The following YTHDC2 variants were observed in gnomAD, a reference collection of about 807,000 sequenced individuals.
The protein encoded by YTHDC2 is 3'-5' RNA helicase YTHDC2.
Under a neutral mutation model 174.9 loss-of-function variants are expected in YTHDC2, and 45 were observed. The observed-to-expected ratio is 0.26, with a 90% CI of 0.20 to 0.33. The LOEUF is 0.33. Ranked by LOEUF, YTHDC2 falls within the 10% of genes least tolerant of loss-of-function variation. YTHDC2 has a pLI of 1.00. For synonymous variants in YTHDC2, 657 were observed against 574.5 expected, an observed-to-expected ratio of 1.14 and a Z score of -2.05; for missense variants, 1,650 against 1,723.7, an observed-to-expected ratio of 0.96 and a Z score of 0.76.
intron 4 of YTHDC2, among the ~76,000 whole-genome samples, chr5:113,528,539 T>C (rs1043302558): frequency 1.3e-5 from 2 of 152,146 alleles, no homozygotes; most frequent in Non-Finnish European, 2.9e-5. Context: ...TTTTTTTCTT[T>C]TGCGACAGCG....
intron 12 of YTHDC2, among the ~76,000 whole-genome samples, chr5:113,549,679 T>C (rs7737023): frequency 0.31 from 47,162 of 152,024 alleles, 9,478 homozygotes; most frequent in African/African-American, 0.56. Context: ...GTATCTGATA[T>C]TACAATCTAC....
chr5:113,573,080 C>T (rs553750778), intron 23 of YTHDC2, among the ~76,000 whole-genome samples: 248 of 152,156 alleles, frequency 1.6e-3, no homozygotes, highest in African/African-American at 5.7e-3. Flanking sequence ...TGTGTACTTC[C>T]GTGTGTTTTT....
intron 12 of YTHDC2, among the ~76,000 whole-genome samples, chr5:113,550,471 G>A (rs1335488645): frequency 6.6e-6 from 1 of 152,088 alleles, no homozygotes; most frequent in Non-Finnish European, 1.5e-5. Context: ...AGCAGTAAAT[G>A]TTTACCAGTC....
chr5:113,553,155 G>GTTT, intron 12 of YTHDC2, 26 bp from the exon 13 acceptor site: 2 of 1,092,444 alleles, frequency 1.8e-6, no homozygotes, highest in Non-Finnish European at 2.4e-6. Context: ...AATTGACTTT[G>GTTT]TCTTTTTTTT....
chr5:113,550,983 A>C (rs1776216489), intron 12 of YTHDC2, among the ~76,000 whole-genome samples: 1 of 152,076 alleles, frequency 6.6e-6, no homozygotes, highest in African/African-American at 2.4e-5. Flanking sequence ...CAAAAAAGAA[A>C]ACAATGGAGC....
At chr5:113,527,932 A>G (rs932455424) in intron 4 of YTHDC2, among the ~76,000 whole-genome samples, 5 of 152,132 alleles carry the variant, frequency 3.3e-5, no homozygotes, top group African/African-American at 7.2e-5. Context: ...CTGGGATTAC[A>G]GGCACCCGCC....
At chr5:113,586,026 A>G (rs919530155) in intron 26 of YTHDC2, among the ~76,000 whole-genome samples, 2 of 151,998 alleles carry the variant, frequency 1.3e-5, no homozygotes, top group African/African-American at 4.8e-5. Flanking sequence ...AATCCCTAGG[A>G]TTAGTATTGT....
intron 25 of YTHDC2, chr5:113,581,949 TTGTC>T (rs1314648373): frequency 1.5e-4 from 45 of 296,084 alleles, no homozygotes; most frequent in African/African-American, 9.7e-4. Context: ...AGGCAACTCT[TTGTC>T]AGGAAAAGGT....
Position 113,563,451 on chromosome 5 carries a change from C to T in YTHDC2, c.2401C>T (p.Pro801Ser). 1.2e-6 allele frequency: 2 copies of T among 1,610,730 alleles called. No individual in the cohort carries two copies. The highest frequency in any genetic ancestry group is 1.3e-5 in the African/African-American group (1 of 75,014). ...TTTTCTTATGAAAGCTCCTGAACCT[C>T]CACCAGCTTTAATTGTAAGAAATGC... Reference protein sequence around the residue: ...ADFLMKAPEPPPALIVRNAVQ... With the variant: ...ADFLMKAPEPSPALIVRNAVQ... Residue 801 changes from proline (P) to serine (S), a missense_variant, in exon 19 of 30, where the codon CCA becomes TCA. Coordinates refer to ENST00000161863, the MANE Select transcript of YTHDC2 (RefSeq NM_022828.5).
intron 3 of YTHDC2, among the ~76,000 whole-genome samples, chr5:113,526,149 C>G (rs1002137135): frequency 2.6e-5 from 4 of 151,856 alleles, no homozygotes; most frequent in African/African-American, 7.3e-5. Flanking sequence ...ATGTACGTGA[C>G]AGATCTTATA....
Position 113,541,953 on chromosome 5 carries a change from C to T in YTHDC2, c.1360-415C>T, listed in dbSNP as rs1157887263. Reference sequence around the variant, plus strand: ...TGTCACCTGAGGAGCTTTTAAAGCCCTATGGAATCTAGCACCCTACCAACA... The same window carrying T: ...TGTCACCTGAGGAGCTTTTAAAGCCTTATGGAATCTAGCACCCTACCAACA... On this transcript the variant is annotated intron_variant, in intron 9 of 29. Transcript: ENST00000161863. 2.0e-5 allele frequency among the ~76,000 whole-genome samples: 3 copies of T among 152,162 alleles called. No individual in the cohort carries two copies. In the East Asian group the frequency reaches 5.8e-4, roughly 29 times the overall value.
Position 113,564,260 on chromosome 5 carries a change from A to G in YTHDC2, c.2715+129A>G, listed in dbSNP as rs139947925. 941 of 1,043,306 alleles carry G rather than the reference A, an allele frequency of 9.0e-4. 11 individuals carry two copies. The African/African-American group carries it at 0.014, about 15-fold the overall frequency. The allele number at this position is 1,043,306 out of a possible 1,614,324, so 64.6% of individuals were successfully genotyped here. ...TAATTTTGTTTCATTATGAAGTCAC[A>G]TTAATAGTCCTGAAAAATATCTTCT... On this transcript the variant is annotated intron_variant, in intron 20 of 29. Transcript: ENST00000161863.
intron 1 of YTHDC2, 187 bp downstream of exon 1, chr5:113,514,269 A>G: frequency 1.4e-6 from 1 of 739,498 alleles, no homozygotes; most frequent in Non-Finnish European, 2.4e-6. Flanking sequence ...CTGCGGTGGA[A>G]TGCGAGGTGC....
chr5:113,545,363 TTTTG>T, intron 10 of YTHDC2, among the ~76,000 whole-genome samples: 1 of 8,364 alleles, frequency 1.2e-4, no homozygotes, highest in Non-Finnish European at 3.2e-4. Context: ...TTCTTTTTTG[TTTTG>T]TTTTGTTTTG....
chr5:113,517,318 T>G (rs895054129), intron 2 of YTHDC2, among the ~76,000 whole-genome samples: 1 of 152,220 alleles, frequency 6.6e-6, no homozygotes, highest in Non-Finnish European at 1.5e-5. Flanking sequence ...TAAGAGGTTT[T>G]GGGCCTGTGC....
intron 23 of YTHDC2, among the ~76,000 whole-genome samples, chr5:113,574,936 G>T (rs1158705337): frequency 6.6e-6 from 1 of 152,204 alleles, no homozygotes; most frequent in Non-Finnish European, 1.5e-5. Context: ...GGTTTCCCGG[G>T]AGGGGTCATA....
At chr5:113,583,431 T>A (rs1561705989) in intron 25 of YTHDC2, 1 of 152,136 alleles carries the variant, frequency 6.6e-6, no homozygotes, top group African/African-American at 2.4e-5. Context: ...TTTGTCTCTG[T>A]TTTTTTCCTG....
intron 28 of YTHDC2, 111 bp downstream of exon 28, chr5:113,592,289 C>T: frequency 9.2e-7 from 1 of 1,092,532 alleles, no homozygotes; most frequent in South Asian, 2.0e-5. Context: ...ATTCCATATG[C>T]ACATGGGAAA....
chr5:113,593,488 T>TATA lies in YTHDC2; in HGVS notation c.*15_*16insTAA. The TATA allele has an allele frequency of 4.2e-6, 4 of 960,408 alleles. No homozygotes were observed. Among genetic ancestry groups the TATA allele is most frequent in the Non-Finnish European group, 6.1e-6 (4 of 651,248 alleles). The allele number at this position is 960,408 out of a possible 1,614,324, so 59.5% of individuals were successfully genotyped here. ...TTTTTCCCCTTTCTTCTAGAACTCT[T>TATA]AGCTGTGGAAGAACATCATGCCTAT... On this transcript the variant is annotated 3_prime_UTR_variant, in exon 30 of 30. Transcript: ENST00000161863.
Sources: allele counts gnomAD v4.1 joint callset (sites outside exome capture counted in the v4.1 genomes callset), GRCh38; gene constraint gnomAD v4.1.1; transcripts MANE v1.5; gene names NCBI Gene and HGNC (gene_info 2026-07-23, HGNC 2026-07-21).